Variants in SLC39A14 observed in about 807,000 individuals in gnomAD.
SLC39A14 encodes solute carrier family 39 member 14.
Under a neutral mutation model 45.5 loss-of-function variants are expected in SLC39A14, and 19 were observed. That is an observed-to-expected ratio of 0.42 (90% CI 0.29 to 0.61). The LOEUF is 0.61. SLC39A14 is among the 20% of genes least tolerant of loss of function. The pLI is 0.22. For missense variants in SLC39A14, 447 were observed against 616.5 expected (o/e 0.73, Z 2.91); for synonymous variants, 264 against 251.3 (o/e 1.05, Z -0.48).
At chr8:22,393,155 G>C in intron 1 of SLC39A14, 1 of 976,452 alleles carries the variant, frequency 1.0e-6, no homozygotes, top group South Asian at 4.7e-5. Flanking sequence ...CCCACCCTGG[G>C]TGCGCTTTGA....
intron 3 of SLC39A14, among the ~76,000 whole-genome samples, chr8:22,410,641 T>G (rs1835517054): frequency 6.6e-6 from 1 of 152,144 alleles, no homozygotes; most frequent in South Asian, 2.1e-4. Flanking sequence ...GAACAAAGAC[T>G]AAGACCAAAC....
intron 5 of SLC39A14, 67 bp from the exon 6 acceptor site, chr8:22,415,702 G>A: frequency 6.8e-7 from 1 of 1,472,646 alleles, no homozygotes; most frequent in Non-Finnish European, 9.3e-7. Context: ...CTTCCTTGGA[G>A]CAGGTGCTCA....
intron 8 of SLC39A14, among the ~76,000 whole-genome samples, chr8:22,432,434 C>T (rs1836480589): frequency 6.6e-6 from 1 of 151,776 alleles, no homozygotes; most frequent in African/African-American, 2.4e-5. Flanking sequence ...CCTCCCTTCT[C>T]TCTCTCTTCT....
intron 1 of SLC39A14, among the ~76,000 whole-genome samples, chr8:22,393,445 A>G (rs900848199): frequency 6.6e-6 from 1 of 151,992 alleles, no homozygotes; most frequent in African/African-American, 2.4e-5. Context: ...CATGGGCTGG[A>G]TGGTTTTTCT....
In SLC39A14 at chr8:22,422,657, A is replaced by G; in HGVS notation, c.*2959A>G. The G allele has an allele frequency of 2.0e-6, 2 of 984,048 alleles. No individual in the cohort carries two copies. The highest frequency in any genetic ancestry group is 2.4e-6 in the Non-Finnish European group (2 of 828,622). 61.0% of individuals were successfully genotyped at this position (984,048 alleles called of 1,614,324 possible). ...ATGTTTTATTTGTAAGATTCTATAA[A>G]TAAAGCTATATTCTGTAATTGTTGA... On this transcript the variant is annotated 3_prime_UTR_variant, in exon 9 of 9. Transcript: ENST00000381237.
chr8:22,420,853 G>A lies in SLC39A14; in HGVS notation c.*1155G>A. On this transcript the variant is annotated 3_prime_UTR_variant, in exon 9 of 9. Transcript: ENST00000381237. ...GCAGAATGGTTGGCCTAATGATTAT[G>A]CTACAGATGGGTTTTAAATGACCCG... The A allele has an allele frequency of 1.0e-6, 1 of 985,470 alleles. No individual in the cohort carries two copies. The highest frequency in any genetic ancestry group is 1.2e-6 in the Non-Finnish European group (1 of 829,926). 61.0% of individuals were successfully genotyped at this position (985,470 alleles called of 1,614,324 possible).
chr8:22,396,308 G>C (rs926456676), intron 1 of SLC39A14, among the ~76,000 whole-genome samples: 6 of 147,750 alleles, frequency 4.1e-5, no homozygotes, highest in Non-Finnish European at 9.0e-5. Context: ...CGGAGGTTAC[G>C]GTGAGCCGAG....
At chr8:22,369,645 C>T (rs888436696) in intron 1 of SLC39A14, among the ~76,000 whole-genome samples, 6 of 152,184 alleles carry the variant, frequency 3.9e-5, no homozygotes, top group African/African-American at 1.2e-4. Context: ...CCTTGAAAGA[C>T]GGGAATAATT....
chr8:22,410,138 G>A lies in SLC39A14; in HGVS notation c.457+1642G>A, dbSNP rs114855224. On this transcript the variant is annotated intron_variant, in intron 3 of 8. Coordinates refer to ENST00000381237, the MANE Select transcript of SLC39A14 (RefSeq NM_001128431.4). Reference sequence around the variant, plus strand: ...GAGGTGCAGTAGAACAGAAACTTGCGCGTCCTCTTTCCCTGGGGCGGCACA... The same window carrying A: ...GAGGTGCAGTAGAACAGAAACTTGCACGTCCTCTTTCCCTGGGGCGGCACA... The A allele has an allele frequency of 8.1e-4, 1,303 of 1,613,326 alleles. 6 individuals are homozygous for A. The African/African-American group carries it at 0.015, about 19-fold the overall frequency.
intron 8 of SLC39A14, among the ~76,000 whole-genome samples, chr8:22,432,967 T>A (rs574888099): frequency 5.3e-4 from 81 of 151,840 alleles, no homozygotes; most frequent in African/African-American, 1.9e-3. Flanking sequence ...GGCTAATTTT[T>A]AAAAAAAATT....
intron 1 of SLC39A14, among the ~76,000 whole-genome samples, chr8:22,378,921 T>C (rs535566144): frequency 1.3e-5 from 2 of 152,238 alleles, no homozygotes; most frequent in Non-Finnish European, 2.9e-5. Context: ...CCTGACAAGA[T>C]ACCAGAAACT....
At chr8:22,404,081 T>C (rs1229384309) in intron 1 of SLC39A14, among the ~76,000 whole-genome samples, 1 of 152,076 alleles carries the variant, frequency 6.6e-6, no homozygotes, top group African/African-American at 2.4e-5. Context: ...TCCCCAGATA[T>C]AAGATGTCAA....
chr8:22,371,153 GC>G (rs914837192), intron 1 of SLC39A14, among the ~76,000 whole-genome samples: 10 of 152,178 alleles, frequency 6.6e-5, no homozygotes, highest in African/African-American at 2.4e-4. Context: ...GAATTGGCCT[GC>G]CCAAGGGAGC....
In SLC39A14 at chr8:22,412,263, C is replaced by A; in HGVS notation, c.627+57C>A. The A allele has an allele frequency of 2.6e-6, 4 of 1,526,002 alleles. No homozygotes were observed. The South Asian group carries it at 4.9e-5, about 19-fold the overall frequency. 94.5% of individuals were successfully genotyped at this position (1,526,002 alleles called of 1,614,324 possible). On this transcript the variant is annotated intron_variant, in intron 4 of 8. Coordinates refer to ENST00000381237, the MANE Select transcript of SLC39A14 (RefSeq NM_001128431.4). Reference sequence around the variant, plus strand: ...ATGCCGGCGGGCACAGTGGGAGGACCTCCGTTTGGATAGAAGGCATAGAGA... The same window carrying A: ...ATGCCGGCGGGCACAGTGGGAGGACATCCGTTTGGATAGAAGGCATAGAGA...
At chr8:22,382,243 A>G (rs912379260) in intron 1 of SLC39A14, among the ~76,000 whole-genome samples, 29 of 152,224 alleles carry the variant, frequency 1.9e-4, no homozygotes, top group African/African-American at 6.8e-4. Flanking sequence ...AATCAAAGAA[A>G]TGCAGGTTAA....
intron 2 of SLC39A14, among the ~76,000 whole-genome samples, chr8:22,406,415 C>T (rs931987251): frequency 4.1e-5 from 6 of 145,734 alleles, no homozygotes; most frequent in African/African-American, 7.8e-5. Context: ...GGAGCGGGGC[C>T]GGGCGCGGTG....
intron 8 of SLC39A14, among the ~76,000 whole-genome samples, chr8:22,430,020 T>G (rs900812060): frequency 3.9e-5 from 6 of 152,170 alleles, no homozygotes; most frequent in Non-Finnish European, 5.9e-5. Context: ...GGCCAGTATG[T>G]GTAAACAGCA....
At position 22,367,491 on chromosome 8, in the gene SLC39A14, G is replaced by T. The variant is rs1832700244; in HGVS notation, c.-16+83G>T. On this transcript the variant is annotated intron_variant, in intron 1 of 8. Transcript: ENST00000381237. The surrounding 1 kb of genome is among the most constrained non-coding windows in gnomAD (Gnocchi z 4.2). ...CCAGGCTGGGGCAGTGGGTGGGGGC[G>T]GGGACAGCCCTGCGCCGAGGACCGG... 6.6e-6 allele frequency: 1 copy of T among 152,168 alleles called. No homozygotes were observed. The highest frequency in any genetic ancestry group is 2.1e-4 in the South Asian group (1 of 4,832). The allele number at this position is 152,168 out of a possible 1,614,324, so 9.4% of individuals were successfully genotyped here.
chr8:22,394,410 C>T (rs545876677), intron 1 of SLC39A14, among the ~76,000 whole-genome samples: 79 of 151,406 alleles, frequency 5.2e-4, no homozygotes, highest in Non-Finnish European at 1.1e-3. Context: ...AGCTCCACCT[C>T]CCGAGTTCAC....
Sources: allele counts gnomAD v4.1 joint callset (sites outside exome capture counted in the v4.1 genomes callset), GRCh38; gene constraint gnomAD v4.1.1; non-coding constraint Gnocchi (gnomAD v3.1); transcripts MANE v1.5; gene names NCBI Gene and HGNC (gene_info 2026-07-23, HGNC 2026-07-21).